The following NR1D2 variants were observed in gnomAD, a reference collection of about 807,000 sequenced individuals.
NR1D2 encodes V-erbA-related protein 1-related.
Under a neutral mutation model 52.2 loss-of-function variants are expected in NR1D2, and 25 were observed. The ratio of observed to expected loss-of-function variants is 0.48; its 90% CI spans 0.35 to 0.67. The LOEUF is 0.67. Among genes scored for constraint, NR1D2 ranks in the 30% least tolerant of loss-of-function variants. The pLI is 0.01. For missense variants in NR1D2, 681 were observed against 707.2 expected, an observed-to-expected ratio of 0.96 and a Z score of 0.42; for synonymous variants, 259 against 230.1, an observed-to-expected ratio of 1.13 and a Z score of -1.14.
intron 7 of NR1D2, among the ~76,000 whole-genome samples, chr3:23,970,483 TATA>T (rs1201620952): frequency 6.6e-6 from 1 of 152,200 alleles, no homozygotes; most frequent in Non-Finnish European, 1.5e-5. Flanking sequence ...AAAAAAAGGT[TATA>T]ATATCACTAC....
intron 6 of NR1D2, among the ~76,000 whole-genome samples, chr3:23,966,096 G>T (rs940340394): frequency 3.3e-5 from 5 of 152,162 alleles, no homozygotes; most frequent in African/African-American, 1.2e-4. Context: ...CCTTCTGTCT[G>T]CCCCAGGGCA....
At chr3:23,961,389 C>CTTTTTTT (rs869108010) in intron 4 of NR1D2, among the ~76,000 whole-genome samples, 7 of 76,014 alleles carry the variant, frequency 9.2e-5, no homozygotes, top group South Asian at 5.3e-4. Flanking sequence ...CTTTTTCTTT[C>CTTTTTTT]TTTTTTTTTT....
intron 1 of NR1D2, among the ~76,000 whole-genome samples, chr3:23,946,927 C>G (rs911660033): frequency 6.6e-6 from 1 of 152,132 alleles, no homozygotes; most frequent in African/African-American, 2.4e-5. Context: ...CAATGCGCCT[C>G]TAAGAATCTT....
intron 7 of NR1D2, among the ~76,000 whole-genome samples, chr3:23,969,176 C>T (rs550859656): frequency 2.6e-5 from 4 of 152,220 alleles, no homozygotes; most frequent in African/African-American, 9.6e-5. Flanking sequence ...GTCCCAGCTA[C>T]TCAGGAGGCT....
rs1209417881 is a variant in NR1D2, at chr3:23,962,421, A to G, written c.962A>G (p.Gln321Arg). The G allele has an allele frequency of 6.2e-7, 1 of 1,614,200 alleles. No homozygotes were observed. The highest frequency in any genetic ancestry group is 1.3e-5 in the African/African-American group (1 of 75,070). Residue 321 changes from glutamine (Q) to arginine (R), a missense_variant, in exon 5 of 8, where the codon CAG becomes CGG. This residue lies in a region of NR1D2 where 475 missense variants were observed against 454.5 expected (regional missense o/e 1.05). Transcript: ENST00000312521. ...CSESQQHLNG[Q>R]FKGRNIMHYP... ...GAGAGCCAGCAGCATCTCAATGGAC[A>G]GTTCAAAGGGAGGAATATAATGCAT... is the stretch of plus-strand genomic sequence containing the variant.
At chr3:23,959,230 C>CTCTA (rs1706172659) in intron 3 of NR1D2, among the ~76,000 whole-genome samples, 1 of 148,904 alleles carries the variant, frequency 6.7e-6, no homozygotes, top group Admixed American at 6.7e-5. Flanking sequence ...TGCCACTGCA[C>CTCTA]TCTAGCCTGG....
rs1706272295 is a variant in NR1D2 at position 23,962,306 on chromosome 3, AGAG to A, written c.851_853del (p.Gly284del). On this transcript the variant is annotated inframe_deletion, in exon 5 of 8. Coordinates refer to ENST00000312521, the MANE Select transcript of NR1D2 (RefSeq NM_005126.5). ...CTCAGCTGAGAGCATGCAGCCCCAG[AGAG>A]GAGAACGGATTCCCAAGAACATGGA... 1 of 1,614,122 alleles carries A rather than the reference AGAG, an allele frequency of 6.2e-7. No homozygotes were observed. The highest frequency in any genetic ancestry group is 1.3e-5 in the African/African-American group (1 of 74,948).
Position 23,962,457 on chromosome 3 carries a change from G to A in NR1D2, c.998G>A (p.Gly333Asp), listed in dbSNP as rs773840081. Reference sequence around the variant, plus strand: ...AGGAATATAATGCATTACCCAAATGGTCATGCCATTTGTATTGCAAATGGA... The same window carrying A: ...AGGAATATAATGCATTACCCAAATGATCATGCCATTTGTATTGCAAATGGA... ...KGRNIMHYPNGHAICIANGHC... is the reference protein window; with the variant it reads ...KGRNIMHYPNDHAICIANGHC... Residue 333 changes from glycine to aspartate, a missense_variant, in exon 5 of 8, where the codon GGT becomes GAT. By Grantham distance (94) the Gly-to-Asp change is moderately conservative. Coordinates refer to ENST00000312521, the MANE Select transcript of NR1D2 (RefSeq NM_005126.5). The A allele has an allele frequency of 1.9e-5, 30 of 1,614,020 alleles. No individual in the cohort carries two copies. The Admixed American group carries it at 4.5e-4, about 24-fold the overall frequency.
At chr3:23,964,100 A>G (rs1706372883) in intron 5 of NR1D2, among the ~76,000 whole-genome samples, 1 of 147,720 alleles carries the variant, frequency 6.8e-6, no homozygotes. Context: ...TTTTTTCGAG[A>G]CGGAGTCTCA....
At chr3:23,955,969 T>C (rs1706071583) in intron 2 of NR1D2, 68 bp from the exon 3 acceptor site, 3 of 1,093,202 alleles carry the variant, frequency 2.7e-6, no homozygotes, top group Middle Eastern at 2.0e-4. Context: ...AAATAAAATA[T>C]CTAATTGGAA....
At chr3:23,967,683 A>G (rs1386149296) in intron 6 of NR1D2, 130 bp from the exon 7 acceptor site, 3 of 653,872 alleles carry the variant, frequency 4.6e-6, no homozygotes, top group African/African-American at 1.8e-5. Flanking sequence ...GAGTAAAAGT[A>G]TACCCTGTTT....
chr3:23,970,898 C>T (rs113208916), intron 7 of NR1D2, among the ~76,000 whole-genome samples: 53,636 of 151,990 alleles, frequency 0.35, 9,895 homozygotes, highest in Middle Eastern at 0.49. Context: ...TCTCCTGCCT[C>T]AGCCTCCTGA....
At chr3:23,969,005 C>T (rs909361537) in intron 7 of NR1D2, among the ~76,000 whole-genome samples, 1 of 152,126 alleles carries the variant, frequency 6.6e-6, no homozygotes, top group African/African-American at 2.4e-5. Flanking sequence ...AGTTCTTGGC[C>T]AGGCGCCAGG....
intron 7 of NR1D2, among the ~76,000 whole-genome samples, chr3:23,974,358 C>G (rs2125299009): frequency 6.6e-6 from 1 of 152,156 alleles, no homozygotes; most frequent in Middle Eastern, 3.4e-3. Context: ...ATGTGTTGTG[C>G]TATGATGTTA....
At chr3:23,971,301 C>CCATTTTTTTTTTTTTTTTTTTTTTTTT (rs201185985) in intron 7 of NR1D2, among the ~76,000 whole-genome samples, 1 of 110,852 alleles carries the variant, frequency 9.0e-6, no homozygotes. Context: ...ATCTCTATAC[C>CCATTTTTTTTTTTTTTTTTTTTTTTTT]TATTTTTTTT....
At chr3:23,963,322 T>C (rs1706336875) in intron 5 of NR1D2, 1 of 1,343,960 alleles carries the variant, frequency 7.4e-7, no homozygotes, top group Non-Finnish European at 9.8e-7. Flanking sequence ...TGGTATTTTC[T>C]ACTGACAGGT....
At chr3:23,965,235 CTTTTTTTTTTT>C (rs371267256) in intron 6 of NR1D2, 73 bp downstream of exon 6, 66 of 309,306 alleles carry the variant, frequency 2.1e-4, no homozygotes, top group South Asian at 1.1e-4. Context: ...TGTTTTAATT[CTTTTTTTTTTT>C]TTTTTTTTTT....
At position 23,964,996 on chromosome 3, in the gene NR1D2, C is replaced by G. The variant is rs755786255; in HGVS notation, c.1166C>G (p.Ser389Cys). The change falls in exon 6 of 8, where the codon TCT becomes TGT. Residue 389 changes from serine (S) to cysteine (C), a missense_variant. Physicochemically the swap from Ser to Cys is moderately radical, Grantham distance 112. This residue lies in a region of NR1D2 where 475 missense variants were observed against 454.5 expected (regional missense o/e 1.05). Coordinates refer to ENST00000312521, the MANE Select transcript of NR1D2 (RefSeq NM_005126.5). ...RMHLVCPMSK[S>C]PYVDPHKSGH... ...TACTAGGTTTGTCCAATGAGTAAGT[C>G]TCCATATGTGGATCCTCATAAATCA... 3 of 1,612,536 alleles carry G rather than the reference C, an allele frequency of 1.9e-6. No homozygotes were observed. The highest frequency in any genetic ancestry group is 1.3e-5 in the African/African-American group (1 of 74,926).
intron 6 of NR1D2, among the ~76,000 whole-genome samples, chr3:23,967,089 G>A (rs973714515): frequency 9.9e-5 from 15 of 152,180 alleles, no homozygotes; most frequent in African/African-American, 3.6e-4. Flanking sequence ...ACTTTGGGAA[G>A]CCGAGATGGG....
Sources: allele counts gnomAD v4.1 joint callset (sites outside exome capture counted in the v4.1 genomes callset), GRCh38; gene constraint gnomAD v4.1.1; regional missense constraint gnomAD v4.1.1; transcripts MANE v1.5; gene names NCBI Gene and HGNC (gene_info 2026-07-23, HGNC 2026-07-21).